The following SPMIP2 variants were observed in gnomAD, a reference collection of about 807,000 sequenced individuals.
SPMIP2 encodes sperm microtubule inner protein 2.
the SPMIP2 span, among the ~76,000 whole-genome samples, chr4:159,003,894 G>A: frequency 6.6e-6 from 1 of 152,176 alleles, no homozygotes; most frequent in South Asian, 2.1e-4. Context: ...AATGCTGATA[G>A]GGACAAGAAC....
chr4:158,996,094 C>T, the SPMIP2 span, among the ~76,000 whole-genome samples: 1 of 152,078 alleles, frequency 6.6e-6, no homozygotes, highest in South Asian at 2.1e-4. Flanking sequence ...CTGGACAGTG[C>T]AATGCACCAA....
the SPMIP2 span, among the ~76,000 whole-genome samples, chr4:158,991,382 T>A: frequency 3.9e-5 from 6 of 152,196 alleles, no homozygotes; most frequent in Non-Finnish European, 2.9e-5. Context: ...GCTCAGTATT[T>A]GCAAAAAGTG....
At chr4:158,913,535 C>T in the SPMIP2 span, among the ~76,000 whole-genome samples, 58 of 152,188 alleles carry the variant, frequency 3.8e-4, no homozygotes, top group Middle Eastern at 3.4e-3. Context: ...TAGTAAAATT[C>T]GACTATGAAC....
chr4:158,909,173 A>G, the SPMIP2 span, among the ~76,000 whole-genome samples: 1 of 152,134 alleles, frequency 6.6e-6, no homozygotes, highest in Non-Finnish European at 1.5e-5. Context: ...TTTGCTCTGA[A>G]AAGGGATGAT....
chr4:159,025,417 G>A, the SPMIP2 span, among the ~76,000 whole-genome samples: 42 of 152,130 alleles, frequency 2.8e-4, no homozygotes, highest in Middle Eastern at 6.8e-3. Context: ...CCCCCACCTC[G>A]GCCTCCCAAA....
At chr4:159,069,651 A>T in the SPMIP2 span, among the ~76,000 whole-genome samples, 2 of 151,996 alleles carry the variant, frequency 1.3e-5, no homozygotes, top group Admixed American at 6.6e-5. Context: ...TATGTTGCCC[A>T]GCCTGGTACT....
the SPMIP2 span, among the ~76,000 whole-genome samples, chr4:158,912,998 C>T: frequency 1.9e-4 from 29 of 152,126 alleles, no homozygotes; most frequent in African/African-American, 7.0e-4. Context: ...GTAACCTGAA[C>T]CCACTCGTGA....
chr4:158,998,524 G>C, the SPMIP2 span, among the ~76,000 whole-genome samples: 5 of 152,290 alleles, frequency 3.3e-5, no homozygotes, highest in East Asian at 9.6e-4. Context: ...TACATTGCCA[G>C]TGTCAATTTG....
the SPMIP2 span, among the ~76,000 whole-genome samples, chr4:159,049,474 G>A: frequency 1.3e-5 from 2 of 152,158 alleles, no homozygotes; most frequent in East Asian, 3.8e-4. Context: ...ATACATAATA[G>A]TAGTATATAT....
the SPMIP2 span, among the ~76,000 whole-genome samples, chr4:159,029,485 G>C: frequency 6.6e-6 from 1 of 152,096 alleles, no homozygotes; most frequent in Non-Finnish European, 1.5e-5. Context: ...TGGATCCACC[G>C]ATAGTTTTTT....
At chr4:159,066,186 T>C in the SPMIP2 span, among the ~76,000 whole-genome samples, 1 of 152,198 alleles carries the variant, frequency 6.6e-6, no homozygotes, top group East Asian at 1.9e-4. Flanking sequence ...ACATATTACA[T>C]AACTTGAGAA....
At chr4:159,076,248 T>C in the SPMIP2 span, among the ~76,000 whole-genome samples, 1 of 152,212 alleles carries the variant, frequency 6.6e-6, no homozygotes, top group Non-Finnish European at 1.5e-5. Flanking sequence ...CTTTCACTGA[T>C]GGCTAAAGAT....
chr4:158,947,745 A>G, the SPMIP2 span, among the ~76,000 whole-genome samples: 1 of 152,216 alleles, frequency 6.6e-6, no homozygotes, highest in Non-Finnish European at 1.5e-5. Context: ...GAAAAGACGA[A>G]AGAAATAAGA....
At chr4:159,020,184 C>A in the SPMIP2 span, among the ~76,000 whole-genome samples, 1 of 151,856 alleles carries the variant, frequency 6.6e-6, no homozygotes, top group African/African-American at 2.4e-5. Flanking sequence ...TAACTAGAGA[C>A]TAAGGTTTGT....
At chr4:158,919,198 C>T in the SPMIP2 span, among the ~76,000 whole-genome samples, 8 of 152,102 alleles carry the variant, frequency 5.3e-5, no homozygotes, top group Admixed American at 2.0e-4. Flanking sequence ...TCAACATAAC[C>T]GTCAAAAGCA....
At chr4:159,055,310 A>T in the SPMIP2 span, among the ~76,000 whole-genome samples, 5 of 152,312 alleles carry the variant, frequency 3.3e-5, no homozygotes, top group Admixed American at 6.5e-5. Context: ...CTGTGTTTTG[A>T]GAATTTACAA....
the SPMIP2 span, chr4:158,907,170 A>G: frequency 6.6e-6 from 1 of 152,264 alleles, no homozygotes; most frequent in African/African-American, 2.4e-5. Flanking sequence ...TGGTAAGTGA[A>G]ATGAATGTAA....
the SPMIP2 span, among the ~76,000 whole-genome samples, chr4:158,949,682 T>G: frequency 6.6e-6 from 1 of 152,210 alleles, no homozygotes; most frequent in African/African-American, 2.4e-5. Context: ...TCTCCTTTAT[T>G]ACTTACTTGG....
chr4:158,969,273 A>G, the SPMIP2 span, among the ~76,000 whole-genome samples: 2 of 152,226 alleles, frequency 1.3e-5, no homozygotes, highest in Admixed American at 6.5e-5. Context: ...ACAACCAGCT[A>G]AGCAGCAGTT....
Sources: gnomAD v4.1 joint callset for allele counts (sites outside exome capture counted in the v4.1 genomes callset) on GRCh38, gnomAD v4.1.1 for gene constraint, MANE v1.5 for transcripts, NCBI Gene and HGNC (gene_info 2026-07-23, HGNC 2026-07-21) for gene names.